The following FTCD variants were observed in gnomAD, a reference collection of about 807,000 sequenced individuals.
FTCD encodes the protein formimidoyltransferase-cyclodeaminase.
A neutral mutation model predicts 62.9 loss-of-function variants in FTCD; 76 were observed. The observed-to-expected ratio is 1.21, with a 90% CI of 1.00 to 1.46. FTCD has a LOEUF of 1.46. FTCD is among the 40% of genes most tolerant of loss of function. The pLI, the probability that FTCD is intolerant of heterozygous loss-of-function variation, is 0.00. For missense variants in FTCD, 845 were observed against 751.3 expected (o/e 1.12, Z -1.46); for synonymous variants, 397 against 336.9 (o/e 1.18, Z -1.95).
At chr21:46,150,605 T>C (rs2079247055) in intron 5 of FTCD, 80 bp from the exon 6 acceptor site, 3 of 1,402,098 alleles carry the variant, frequency 2.1e-6, no homozygotes, top group South Asian at 2.3e-5. Context: ...GGCACTTGCA[T>C]TCCCCAGCTG....
In FTCD at chr21:46,137,377, C is replaced by T. The variant is rs757981252; in HGVS notation, c.1444-43G>A. The stretch of plus-strand genomic sequence containing the variant: ...AGCCCCTACATGGATCAAGGCTGAG[C>T]AAACTGCCGGAAGGAGGGTCTCTGC... On this transcript the variant is annotated intron_variant, in intron 12 of 13. Transcript: ENST00000397746. 11 of 1,441,944 alleles carry T rather than the reference C, an allele frequency of 7.6e-6. No individual in the cohort carries two copies. In the East Asian group the frequency reaches 2.5e-4, roughly 33 times the overall value. The allele number at this position is 1,441,944 out of a possible 1,614,324, so 89.3% of individuals were successfully genotyped here.
intron 11 of FTCD, 98 bp from the exon 12 acceptor site, chr21:46,138,744 G>A: frequency 2.0e-6 from 3 of 1,468,642 alleles, no homozygotes; most frequent in Non-Finnish European, 2.8e-6. Flanking sequence ...GCAGAAGCGG[G>A]CGATGGGAAG....
intron 10 of FTCD, among the ~76,000 whole-genome samples, chr21:46,141,805 A>C (rs1479836958): frequency 6.6e-6 from 1 of 152,228 alleles, no homozygotes; most frequent in Non-Finnish European, 1.5e-5. Flanking sequence ...AACTTCCTGG[A>C]AAAGAAGTAA....
chr21:46,136,608 C>T (rs923643435), downstream of FTCD: 2 of 1,518,334 alleles, frequency 1.3e-6, no homozygotes, highest in South Asian at 1.2e-5. Context: ...CCACTGTGGG[C>T]TGCACTGGGT....
chr21:46,152,763 G>A (rs2079323510), intron 3 of FTCD, 144 bp downstream of exon 3: 2 of 679,334 alleles, frequency 2.9e-6, no homozygotes, highest in Non-Finnish European at 4.8e-6. Flanking sequence ...TATTGAGGGA[G>A]CTGCGCTTCT....
At chr21:46,153,908 G>A (rs2079364912) in intron 2 of FTCD, among the ~76,000 whole-genome samples, 1 of 152,036 alleles carries the variant, frequency 6.6e-6, no homozygotes, top group Non-Finnish European at 1.5e-5. Context: ...CAGCCGTGAA[G>A]GTGGCCCGGT....
At chr21:46,139,327 G>C in intron 10 of FTCD, among the ~76,000 whole-genome samples, 1 of 152,198 alleles carries the variant, frequency 6.6e-6, no homozygotes, top group East Asian at 1.9e-4. Flanking sequence ...CTGTGCAGAA[G>C]GACCAAGAGC....
At chr21:46,138,094 T>C (rs770189170) in intron 12 of FTCD, among the ~76,000 whole-genome samples, 14 of 152,068 alleles carry the variant, frequency 9.2e-5, no homozygotes, top group African/African-American at 1.4e-4. Flanking sequence ...TCCCACTATG[T>C]TGCCCAGGCT....
intron 5 of FTCD, 88 bp downstream of exon 5, chr21:46,151,470 C>A (rs1294807584): frequency 3.1e-6 from 3 of 979,646 alleles, no homozygotes; most frequent in Admixed American, 5.0e-5. Flanking sequence ...TGCCCCATCC[C>A]CACCGACCTC....
chr21:46,145,919 G>T lies in FTCD; in HGVS notation c.997C>A (p.Arg333=). 6.7e-7 allele frequency: 1 copy of T among 1,501,402 alleles called. No individual in the cohort carries two copies. Among genetic ancestry groups the T allele is most frequent in the Non-Finnish European group, 8.8e-7 (1 of 1,132,130 alleles). The allele number at this position is 1,501,402 out of a possible 1,614,324, so 93.0% of individuals were successfully genotyped here. Residue 333 remains arginine, a synonymous_variant, in exon 9 of 14, where the codon CGA becomes AGA. Transcript: ENST00000397746. ...EYLVPERGPE[R]GLGSKSLRAF... Reference sequence around the variant, plus strand: ...CGCAGGGACTTGCTGCCCAGGCCTCGCTCAGGCCCGCGCTCAGGGACCAGG... The same window carrying T: ...CGCAGGGACTTGCTGCCCAGGCCTCTCTCAGGCCCGCGCTCAGGGACCAGG...
In FTCD at chr21:46,151,591, G is replaced by A. The variant is rs1391845316; in HGVS notation, c.603C>T (p.Leu201=). ...TCCCGCGGCCCTGCTCCCGCAGGTT[G>A]AGCGCGATGCGGTGGGCTTGCTCCT... The part of the protein sequence containing the change: ...GTKEQAHRIA[L]NLREQGRGKD... The change falls in exon 5 of 14, where the codon CTC becomes CTT. Residue 201 remains leucine, a synonymous_variant. Coordinates refer to ENST00000397746, the MANE Select transcript of FTCD (RefSeq NM_206965.2). 6.8e-6 allele frequency: 11 copies of A among 1,612,852 alleles called. No individual in the cohort carries two copies. Among genetic ancestry groups the A allele is most frequent in the Non-Finnish European group, 9.3e-6 (11 of 1,179,962 alleles).
Position 46,138,431 on chromosome 21 carries a change from T to G in FTCD, c.1443+77A>C, listed in dbSNP as rs771467051. The G allele has an allele frequency of 9.9e-6, 14 of 1,411,368 alleles. No homozygotes were observed. The East Asian group carries it at 3.4e-4, about 35-fold the overall frequency. 87.4% of individuals were successfully genotyped at this position (1,411,368 alleles called of 1,614,324 possible). Reference sequence around the variant, plus strand: ...CCTGGCTCAGCCCAGCCAACCACCGTGCTCTCCAGCAACTCAGCCCCAACA... The same window carrying G: ...CCTGGCTCAGCCCAGCCAACCACCGGGCTCTCCAGCAACTCAGCCCCAACA... On this transcript the variant is annotated intron_variant, in intron 12 of 13. Transcript: ENST00000397746.
Position 46,151,921 on chromosome 21 carries a change from C to A in FTCD, c.427G>T (p.Ala143Ser). The change falls in exon 4 of 14, where the codon GCC becomes TCC. Residue 143 changes from alanine to serine, a missense_variant. By Grantham distance (99) the Ala-to-Ser change is moderately conservative. Coordinates refer to ENST00000397746, the MANE Select transcript of FTCD (RefSeq NM_206965.2). ...TTAGGGAGGGCCTCGTACTCCCCGG[C>A]CCGGATGGCCGGCAGGGTCCGGCGA... ...DSRRTLPAIR[A>S]GEYEALPKKL... 1 of 1,570,156 alleles carries A rather than the reference C, an allele frequency of 6.4e-7. No homozygotes were observed. Among genetic ancestry groups the A allele is most frequent in the Non-Finnish European group, 8.6e-7 (1 of 1,158,226 alleles).
At chr21:46,140,087 A>G (rs773168482) in intron 10 of FTCD, among the ~76,000 whole-genome samples, 1 of 152,220 alleles carries the variant, frequency 6.6e-6, no homozygotes, top group Admixed American at 6.5e-5. Flanking sequence ...GGTGCAAGGT[A>G]CAGATATCTC....
intron 12 of FTCD, among the ~76,000 whole-genome samples, chr21:46,137,595 G>T (rs1171708775): frequency 6.9e-6 from 1 of 145,578 alleles, no homozygotes; most frequent in African/African-American, 2.5e-5. Flanking sequence ...GCCACTCTAG[G>T]AACCAGGACC....
intron 10 of FTCD, among the ~76,000 whole-genome samples, chr21:46,141,868 G>A (rs902296348): frequency 6.6e-6 from 1 of 152,222 alleles, no homozygotes; most frequent in African/African-American, 2.4e-5. Flanking sequence ...AATGAGAAGC[G>A]CATCCCAGAA....
chr21:46,150,607 C>A (rs1322341575), intron 5 of FTCD, 82 bp from the exon 6 acceptor site: 10 of 1,413,124 alleles, frequency 7.1e-6, no homozygotes, highest in Non-Finnish European at 1.0e-5. Flanking sequence ...CACTTGCATT[C>A]CCCAGCTGGA....
At chr21:46,137,425 G>A (rs182342118) in intron 12 of FTCD, 91 bp from the exon 13 acceptor site, 525 of 1,009,850 alleles carry the variant, frequency 5.2e-4, no homozygotes, top group Non-Finnish European at 5.7e-4. Flanking sequence ...GGGACAGGCC[G>A]GACTTCGTCC....
At chr21:46,146,384 C>G in intron 7 of FTCD, 57 bp from the exon 8 acceptor site, 2 of 1,222,078 alleles carry the variant, frequency 1.6e-6, no homozygotes, top group Non-Finnish European at 1.2e-6. Context: ...ACCAGGAAAG[C>G]CTCGGAACCC....
Sources: gnomAD v4.1 joint callset for allele counts (sites outside exome capture counted in the v4.1 genomes callset) on GRCh38, gnomAD v4.1.1 for gene constraint, MANE v1.5 for transcripts, NCBI Gene and HGNC (gene_info 2026-07-23, HGNC 2026-07-21) for gene names.